Variants in IGSF21 observed in about 807,000 individuals in gnomAD.
IGSF21 encodes immunoglobin superfamily member 21.
A neutral mutation model predicts 46.8 loss-of-function variants in IGSF21; 28 were observed. That is an observed-to-expected ratio of 0.60 (90% CI 0.44 to 0.82). The LOEUF is 0.82. Among genes scored for constraint, IGSF21 ranks in the 40% least tolerant of loss-of-function variants. The pLI is 0.00. For synonymous variants in IGSF21, 284 were observed against 273.6 expected (o/e 1.04, Z -0.38); for missense variants, 624 against 665.5 (o/e 0.94, Z 0.69).
At chr1:18,309,598 GC>G (rs1245654056) in intron 3 of IGSF21, among the ~76,000 whole-genome samples, 1 of 152,146 alleles carries the variant, frequency 6.6e-6, no homozygotes, top group African/African-American at 2.4e-5. Context: ...GCCTCTCTGA[GC>G]CCCTGCACTG....
intron 4 of IGSF21, among the ~76,000 whole-genome samples, chr1:18,349,586 G>A (rs948174503): frequency 2.6e-5 from 4 of 152,172 alleles, no homozygotes; most frequent in African/African-American, 9.7e-5. Context: ...AGGAACCCAA[G>A]GCATGAGAAG....
chr1:18,188,790 G>A (rs188291827), intron 1 of IGSF21, among the ~76,000 whole-genome samples: 5 of 152,362 alleles, frequency 3.3e-5, no homozygotes, highest in Admixed American at 3.3e-4. Context: ...AGCAAAGTCA[G>A]TTGATCAAGG....
At chr1:18,122,615 T>G (rs1405464943) in intron 1 of IGSF21, among the ~76,000 whole-genome samples, 4 of 150,902 alleles carry the variant, frequency 2.7e-5, no homozygotes, top group Non-Finnish European at 5.9e-5. Flanking sequence ...TGACTGTCGA[T>G]TTTTTTTCTT....
chr1:18,321,367 T>C (rs223216), intron 3 of IGSF21, among the ~76,000 whole-genome samples: 78,386 of 152,092 alleles, frequency 0.52, 20,969 homozygotes, highest in African/African-American at 0.65. Context: ...CTGCCACTGA[T>C]TGATTGTGTG....
At chr1:18,362,286 G>T in intron 5 of IGSF21, 56 bp downstream of exon 5, 1 of 1,300,552 alleles carries the variant, frequency 7.7e-7, no homozygotes, top group Non-Finnish European at 1.1e-6. Flanking sequence ...CCCTGCTTCG[G>T]GGCTGGTCCA....
chr1:18,139,418 C>T (rs1318393497), intron 1 of IGSF21, among the ~76,000 whole-genome samples: 1 of 152,162 alleles, frequency 6.6e-6, no homozygotes, highest in Admixed American at 6.5e-5. Flanking sequence ...GAAGATCGTG[C>T]AGGCTCCCTG....
intron 1 of IGSF21, among the ~76,000 whole-genome samples, chr1:18,135,222 T>C (rs1188425147): frequency 1.3e-5 from 2 of 152,226 alleles, no homozygotes; most frequent in African/African-American, 2.4e-5. Context: ...CACCTGAGAC[T>C]GGGTAATTTA....
At chr1:18,250,370 C>T (rs139091844) in intron 2 of IGSF21, among the ~76,000 whole-genome samples, 8 of 152,046 alleles carry the variant, frequency 5.3e-5, no homozygotes, top group Non-Finnish European at 1.0e-4. Context: ...TGCTTTTGCA[C>T]GTACAGCTGC....
intron 3 of IGSF21, among the ~76,000 whole-genome samples, chr1:18,326,653 G>A (rs1280387508): frequency 2.0e-5 from 3 of 152,114 alleles, no homozygotes; most frequent in Non-Finnish European, 4.4e-5. Context: ...TGAAAGTTTG[G>A]TCCTGAAGAG....
rs983301016 is a variant in IGSF21 at position 18,185,113 on chromosome 1, G to A, written c.71-42785G>A. On this transcript the variant is annotated intron_variant, in intron 1 of 9. Coordinates refer to ENST00000251296, the MANE Select transcript of IGSF21 (RefSeq NM_032880.5). ...TGGAGAGAGTCATTCAGAGAGGTGA[G>A]GTGAGCTGCCCAAGTTATAGAGATG... Among the ~76,000 whole-genome samples the A allele has an allele frequency of 8.5e-5, 13 of 152,156 alleles. 1 individual carries two copies. The highest frequency in any genetic ancestry group is 7.9e-4 in the Admixed American group (12 of 15,266).
At chr1:18,160,759 C>T (rs1383201918) in intron 1 of IGSF21, among the ~76,000 whole-genome samples, 1 of 152,180 alleles carries the variant, frequency 6.6e-6, no homozygotes, top group African/African-American at 2.4e-5. Flanking sequence ...ATCTGGGAAT[C>T]ACAGTCCCTG....
At chr1:18,314,144 C>T (rs1453523316) in intron 3 of IGSF21, among the ~76,000 whole-genome samples, 2 of 152,248 alleles carry the variant, frequency 1.3e-5, no homozygotes, top group African/African-American at 2.4e-5. Flanking sequence ...CCAAGTTTCT[C>T]AGCTCACCGT....
intron 1 of IGSF21, among the ~76,000 whole-genome samples, chr1:18,216,819 A>G (rs1240831962): frequency 6.6e-6 from 1 of 152,170 alleles, no homozygotes. Context: ...AACTCTCTGT[A>G]CCTGCCTAGA....
At position 18,331,270 on chromosome 1, in the gene IGSF21, TC is replaced by T. The variant is rs534198244; in HGVS notation, c.306-3617del. ...TTATCTCTCACCCCCTCCCACCTTT[TC>T]CCCCAAATTCCCAAAGTTTATTGTA... On this transcript the variant is annotated intron_variant, in intron 3 of 9. Coordinates refer to ENST00000251296, the MANE Select transcript of IGSF21 (RefSeq NM_032880.5). Among the ~76,000 whole-genome samples the T allele has an allele frequency of 2.3e-3, 345 of 152,134 alleles. 6 individuals are homozygous for T. Among genetic ancestry groups the T allele is most frequent in the Non-Finnish European group, 5.7e-4 (39 of 68,004 alleles).
rs145214267 is a variant in IGSF21 at position 18,371,885 on chromosome 1, C to T, written c.1016-4425C>T. Among the ~76,000 whole-genome samples, 73 of 152,310 alleles carry T rather than the reference C, an allele frequency of 4.8e-4. 1 individual carries two copies. The East Asian group carries it at 0.01, about 21-fold the overall frequency. On this transcript the variant is annotated intron_variant, in intron 6 of 9. Coordinates refer to ENST00000251296, the MANE Select transcript of IGSF21 (RefSeq NM_032880.5). ...TTCTATATTTGCTTATTGTCTGAAT[C>T]GCCCACAAGGTAGGAATTGAGATTT...
intron 1 of IGSF21, among the ~76,000 whole-genome samples, chr1:18,209,604 G>A (rs1478697826): frequency 2.7e-5 from 4 of 148,886 alleles, no homozygotes; most frequent in South Asian, 2.1e-4. Flanking sequence ...ACAGGCGCCC[G>A]CCACCACACC....
intron 4 of IGSF21, among the ~76,000 whole-genome samples, chr1:18,353,367 T>A (rs1430988015): frequency 5.3e-5 from 8 of 151,868 alleles, no homozygotes; most frequent in Non-Finnish European, 1.2e-4. Context: ...GAAGGATGCC[T>A]GGGCCCTTCC....
Position 18,227,894 on chromosome 1 carries a change from G to C in IGSF21, c.71-4G>C, listed in dbSNP as rs779288830. The C allele has an allele frequency of 1.9e-6, 3 of 1,612,408 alleles. No homozygotes were observed. The South Asian group carries it at 3.3e-5, about 18-fold the overall frequency. ...TTACCACCCCTTTCTCCTCTCTTCT[G>C]TAGGCTACCTGACAGTCAACATTGA... On this transcript the variant is annotated splice_polypyrimidine_tract_variant and splice_region_variant and intron_variant, in intron 1 of 9. Transcript: ENST00000251296.
At chr1:18,143,908 C>A (rs926236024) in intron 1 of IGSF21, among the ~76,000 whole-genome samples, 1 of 152,120 alleles carries the variant, frequency 6.6e-6, no homozygotes, top group Non-Finnish European at 1.5e-5. Flanking sequence ...CCCGATCAGA[C>A]TGGGACCTCA....
Sources: allele counts gnomAD v4.1 joint callset (sites outside exome capture counted in the v4.1 genomes callset), GRCh38; gene constraint gnomAD v4.1.1; transcripts MANE v1.5; gene names NCBI Gene and HGNC (gene_info 2026-07-23, HGNC 2026-07-21).